Variants in CHRM2 observed in about 807,000 individuals in gnomAD.
CHRM2 encodes the protein cholinergic receptor muscarinic 2, also known as muscarinic acetylcholine receptor M2.
Under a neutral mutation model 25.0 loss-of-function variants are expected in CHRM2, and 8 were observed. The observed-to-expected ratio is 0.32, with a 90% CI of 0.19 to 0.58. The LOEUF (loss-of-function observed/expected upper bound fraction) is 0.58, where lower values mean the gene tolerates loss of function less well. Among genes scored for constraint, CHRM2 ranks in the 20% least tolerant of loss-of-function variants. CHRM2 has a pLI of 0.88. For synonymous variants in CHRM2, 202 were observed against 205.7 expected, an observed-to-expected ratio of 0.98 and a Z score of 0.15; for missense variants, 440 against 567.1, an observed-to-expected ratio of 0.78 and a Z score of 2.28.
intron 2 of CHRM2, among the ~76,000 whole-genome samples, chr7:136,875,769 A>G (rs1057467266): frequency 2.6e-5 from 4 of 152,214 alleles, no homozygotes; most frequent in South Asian, 2.1e-4. Context: ...TCTTTCTCAC[A>G]GGCATTTCTT....
intron 3 of CHRM2, among the ~76,000 whole-genome samples, chr7:136,994,353 A>G (rs1803431380): frequency 6.6e-6 from 1 of 152,138 alleles, no homozygotes; most frequent in Non-Finnish European, 1.5e-5. Context: ...TTGCTCCTGC[A>G]TTGTAAAATA....
At chr7:136,893,427 G>A (rs1359325794) in intron 2 of CHRM2, among the ~76,000 whole-genome samples, 3 of 152,166 alleles carry the variant, frequency 2.0e-5, no homozygotes, top group African/African-American at 7.2e-5. Flanking sequence ...ACATAGTCGA[G>A]ATAAATGGTA....
At chr7:136,910,834 A>T (rs540281169) in intron 2 of CHRM2, among the ~76,000 whole-genome samples, 61 of 117,786 alleles carry the variant, frequency 5.2e-4, no homozygotes, top group South Asian at 3.3e-3. Context: ...TGTGTGTGAG[A>T]GAGAGAGAGA....
At chr7:136,916,740 T>C (rs1563064315) in intron 2 of CHRM2, among the ~76,000 whole-genome samples, 2 of 151,376 alleles carry the variant, frequency 1.3e-5, no homozygotes, top group Admixed American at 6.6e-5. Context: ...TACTATGTTA[T>C]ATTAGGTTCT....
intron 2 of CHRM2, among the ~76,000 whole-genome samples, chr7:136,937,277 T>C (rs1799469084): frequency 6.6e-6 from 1 of 152,218 alleles, no homozygotes; most frequent in Admixed American, 6.5e-5. Context: ...AGTTAGAATT[T>C]GGGCTCTGAC....
intron 2 of CHRM2, among the ~76,000 whole-genome samples, chr7:136,873,379 C>T (rs961525163): frequency 6.6e-6 from 1 of 152,218 alleles, no homozygotes. Context: ...TGGCATTATT[C>T]TAAGCATCTT....
intron 2 of CHRM2, among the ~76,000 whole-genome samples, chr7:136,956,814 G>A (rs997314941): frequency 1.6e-5 from 2 of 126,568 alleles, no homozygotes; most frequent in Non-Finnish European, 3.4e-5. Context: ...AGGGGGAATG[G>A]GATCATATGA....
intron 2 of CHRM2, among the ~76,000 whole-genome samples, chr7:136,945,997 T>C (rs1475430116): frequency 6.6e-6 from 1 of 152,094 alleles, no homozygotes; most frequent in East Asian, 1.9e-4. Flanking sequence ...TATGTTGAAA[T>C]GGAAAGAGAA....
chr7:136,941,491 T>C (rs372264853), intron 2 of CHRM2, among the ~76,000 whole-genome samples: 7 of 152,214 alleles, frequency 4.6e-5, no homozygotes, highest in African/African-American at 1.7e-4. Flanking sequence ...TCAACAATAA[T>C]TGAAGTGAAG....
intron 2 of CHRM2, among the ~76,000 whole-genome samples, chr7:136,925,646 T>C (rs981379437): frequency 2.0e-5 from 3 of 152,058 alleles, no homozygotes; most frequent in Non-Finnish European, 4.4e-5. Flanking sequence ...TCCCACCCCA[T>C]TGACTGGGTA....
At chr7:136,994,622 G>A (rs538306661) in intron 3 of CHRM2, among the ~76,000 whole-genome samples, 17 of 140,142 alleles carry the variant, frequency 1.2e-4, no homozygotes, top group South Asian at 2.2e-4. Context: ...CCTCCTCCTC[G>A]TGGGTCCAAG....
intron 2 of CHRM2, among the ~76,000 whole-genome samples, chr7:136,991,619 A>C (rs747529248): frequency 2.0e-5 from 3 of 152,118 alleles, no homozygotes; most frequent in Non-Finnish European, 2.9e-5. Context: ...GGATTAACTT[A>C]GCTACCATCT....
chr7:136,885,726 A>G (rs1796437336), intron 2 of CHRM2, among the ~76,000 whole-genome samples: 1 of 152,224 alleles, frequency 6.6e-6, no homozygotes, highest in Non-Finnish European at 1.5e-5. Flanking sequence ...ATGATATACA[A>G]TACACAGGTG....
chr7:136,893,942 C>T (rs1470165731), intron 2 of CHRM2, among the ~76,000 whole-genome samples: 1 of 152,150 alleles, frequency 6.6e-6, no homozygotes, highest in African/African-American at 2.4e-5. Flanking sequence ...GCCCTTTGTT[C>T]TACGTCTTCA....
At chr7:136,886,471 AGT>A (rs1796469123) in intron 2 of CHRM2, among the ~76,000 whole-genome samples, 1 of 152,200 alleles carries the variant, frequency 6.6e-6, no homozygotes, top group African/African-American at 2.4e-5. Context: ...TGTACTTCAA[AGT>A]GTAATTTCTT....
chr7:136,905,373 G>T (rs918731527), intron 2 of CHRM2, among the ~76,000 whole-genome samples: 2 of 151,136 alleles, frequency 1.3e-5, no homozygotes, highest in African/African-American at 4.9e-5. Flanking sequence ...ATTTATTTTT[G>T]TTCTTATTTT....
rs1365360243 is a variant in CHRM2, at chr7:137,017,571, T to G, written c.*1305T>G. ...CCCATGAAAGGGGAAAAAACGATAT[T>G]TTAAAAACTATTACTGAAACAATTA... On this transcript the variant is annotated 3_prime_UTR_variant, in exon 4 of 4. Coordinates refer to ENST00000680005, the MANE Select transcript of CHRM2 (RefSeq NM_001006630.2). The G allele has an allele frequency of 6.6e-6, 1 of 152,016 alleles. No individual in the cohort carries two copies. The highest frequency in any genetic ancestry group is 1.5e-5 in the Non-Finnish European group (1 of 67,946). The allele number at this position is 152,016 out of a possible 1,614,324, so 9.4% of individuals were successfully genotyped here.
intron 2 of CHRM2, among the ~76,000 whole-genome samples, chr7:136,874,055 C>T (rs371683827): frequency 7.2e-5 from 11 of 152,262 alleles, no homozygotes; most frequent in Non-Finnish European, 1.0e-4. Flanking sequence ...GATCAAGAGA[C>T]TTTTTCAAGG....
At chr7:136,930,668 A>C (rs1219290550) in intron 2 of CHRM2, among the ~76,000 whole-genome samples, 6 of 151,868 alleles carry the variant, frequency 4.0e-5, no homozygotes, top group South Asian at 2.1e-4. Flanking sequence ...GAGGCCAAGG[A>C]GGGTGGATCA....
Sources: allele counts gnomAD v4.1 joint callset (sites outside exome capture counted in the v4.1 genomes callset), GRCh38; gene constraint gnomAD v4.1.1; transcripts MANE v1.5; gene names NCBI Gene and HGNC (gene_info 2026-07-23, HGNC 2026-07-21).